Variants in NUP93 observed in about 807,000 individuals in gnomAD.
The protein encoded by NUP93 is nuclear pore complex protein Nup93.
Under a neutral mutation model 107.8 loss-of-function variants are expected in NUP93, and 55 were observed. That is an observed-to-expected ratio of 0.51 (90% CI 0.41 to 0.64). The LOEUF (loss-of-function observed/expected upper bound fraction) is 0.64, where lower values mean the gene tolerates loss of function less well. Ranked by LOEUF, NUP93 falls within the 30% of genes least tolerant of loss-of-function variation. The pLI, the probability that NUP93 is intolerant of heterozygous loss-of-function variation, is 0.00. For synonymous variants in NUP93, 390 were observed against 397.5 expected (o/e 0.98, Z 0.22); for missense variants, 937 against 1,044.7 (o/e 0.90, Z 1.42).
At chr16:56,761,334 T>A (rs1202622553) in intron 3 of NUP93, among the ~76,000 whole-genome samples, 1 of 152,220 alleles carries the variant, frequency 6.6e-6, no homozygotes. Context: ...CCAAGCCAGC[T>A]TGCATTCCTG....
chr16:56,743,988 C>T (rs1961780889), intron 1 of NUP93, among the ~76,000 whole-genome samples: 1 of 152,188 alleles, frequency 6.6e-6, no homozygotes. Flanking sequence ...CAATCACGCT[C>T]AAGGGCTTAG....
intron 8 of NUP93, among the ~76,000 whole-genome samples, chr16:56,826,881 A>G (rs1963673328): frequency 6.6e-6 from 1 of 151,744 alleles, no homozygotes; most frequent in South Asian, 2.1e-4. Flanking sequence ...CCCCTTCTCT[A>G]CTAAAAATAC....
intron 8 of NUP93, among the ~76,000 whole-genome samples, chr16:56,826,196 T>C (rs2144619288): frequency 6.6e-6 from 1 of 152,252 alleles, no homozygotes; most frequent in African/African-American, 2.4e-5. Flanking sequence ...AACTCCTCAA[T>C]TTCTTATCCA....
chr16:56,833,539 G>A (rs1006405908), intron 13 of NUP93, 133 bp downstream of exon 13: 2 of 663,924 alleles, frequency 3.0e-6, no homozygotes, highest in Non-Finnish European at 4.7e-6. Context: ...GTGGACAGTT[G>A]AGCTTTTTAG....
intron 5 of NUP93, among the ~76,000 whole-genome samples, chr16:56,808,441 T>C (rs376942291): frequency 8.3e-4 from 27 of 32,720 alleles, no homozygotes; most frequent in South Asian, 1.5e-3. Flanking sequence ...TATATAGTTA[T>C]GTAACTATAT....
rs745368411 is a variant in NUP93 at position 56,829,044 on chromosome 16, G to A, written c.862G>A (p.Gly288Arg). The A allele has an allele frequency of 1.2e-6, 2 of 1,613,578 alleles. No homozygotes were observed. Among genetic ancestry groups the A allele is most frequent in the African/African-American group, 2.7e-5 (2 of 75,044 alleles). The change falls in exon 9 of 22, where the codon GGG becomes AGG. Residue 288 changes from glycine to arginine, a missense_variant. Physicochemically the swap from Gly to Arg is moderately radical, Grantham distance 125. Coordinates refer to ENST00000308159, the MANE Select transcript of NUP93 (RefSeq NM_014669.5). ...LHQAQLGGVP[G>R]TYQLVRSFLN... ...TCAGGCCCAGCTGGGCGGGGTGCCT[G>A]GGACTTACCAATTGGTTCGAAGTTT... is the stretch of plus-strand genomic sequence containing the variant.
At chr16:56,734,888 A>G (rs1961587269) in intron 1 of NUP93, among the ~76,000 whole-genome samples, 2 of 151,904 alleles carry the variant, frequency 1.3e-5, no homozygotes, top group African/African-American at 4.8e-5. Flanking sequence ...CCTCCCCCTA[A>G]CCCCTCCCAC....
chr16:56,838,083 G>A (rs1218819811), intron 18 of NUP93, among the ~76,000 whole-genome samples: 2 of 152,178 alleles, frequency 1.3e-5, no homozygotes, highest in African/African-American at 4.8e-5. Flanking sequence ...GTGATGGTTG[G>A]ATGGGGGAGA....
At position 56,837,712 on chromosome 16, in the gene NUP93, C is replaced by G; in HGVS notation, c.2004C>G (p.Leu668=). 1 of 1,613,650 alleles carries G rather than the reference C, an allele frequency of 6.2e-7. No individual in the cohort carries two copies. ...AGGAGAGGCTGAAGAACATGGCACTCTCCATTGCCGAACGGTAAGCCAGGA... is the reference window on the plus strand; with the variant it reads ...AGGAGAGGCTGAAGAACATGGCACTGTCCATTGCCGAACGGTAAGCCAGGA... The part of the protein sequence containing the change: ...SNKERLKNMA[L]SIAERYRAQG... The change falls in exon 18 of 22, where the codon CTC becomes CTG. Residue 668 remains leucine, a synonymous_variant. Transcript: ENST00000308159.
chr16:56,823,032 T>G (rs1433343153), intron 7 of NUP93, among the ~76,000 whole-genome samples: 1 of 152,200 alleles, frequency 6.6e-6, no homozygotes, highest in African/African-American at 2.4e-5. Context: ...TGCCAAGGGT[T>G]CAGGGAACAC....
Position 56,829,121 on chromosome 16 carries a change from T to C in NUP93, c.927+12T>C. 1.2e-6 allele frequency: 2 copies of C among 1,608,734 alleles called. No individual in the cohort carries two copies. Among genetic ancestry groups the C allele is most frequent in the East Asian group, 2.2e-5 (1 of 44,836 alleles). ...TGCCTGGACTACAGGTACTGACAACTTTCTCTGTGTGATCAGTTACACCCC... is the reference window on the plus strand; with the variant it reads ...TGCCTGGACTACAGGTACTGACAACCTTCTCTGTGTGATCAGTTACACCCC... On this transcript the variant is annotated intron_variant, in intron 9 of 21. Transcript: ENST00000308159.
chr16:56,776,908 A>AT (rs1347343738), intron 3 of NUP93, among the ~76,000 whole-genome samples: 2 of 152,118 alleles, frequency 1.3e-5, no homozygotes, highest in East Asian at 1.9e-4. Flanking sequence ...TATTTCATGT[A>AT]TTTTTTACTG....
intron 3 of NUP93, among the ~76,000 whole-genome samples, chr16:56,780,873 A>G (rs543241197): frequency 1.3e-5 from 2 of 152,254 alleles, no homozygotes; most frequent in South Asian, 4.1e-4. Flanking sequence ...CACCATGATG[A>G]TGGCCCATCA....
chr16:56,838,997 G>A lies in NUP93; in HGVS notation c.2064G>A (p.Thr688=), dbSNP rs772236857. The A allele has an allele frequency of 1.1e-5, 17 of 1,614,000 alleles. No individual in the cohort carries two copies. Among genetic ancestry groups the A allele is most frequent in the Middle Eastern group, 1.6e-4 (1 of 6,062 alleles). Residue 688 remains threonine (T), a synonymous_variant, in exon 19 of 22, where the codon ACG becomes ACA. Coordinates refer to ENST00000308159, the MANE Select transcript of NUP93 (RefSeq NM_014669.5). ...GCGCAAATAAATTTGTGGACTCCAC[G>A]TTCTATCTTCTTTTGGACTTGATCA... ...GISANKFVDS[T]FYLLLDLITF... is the part of the protein sequence containing the mutation.
At chr16:56,828,759 T>G (rs775747712) in intron 8 of NUP93, among the ~76,000 whole-genome samples, 2 of 152,250 alleles carry the variant, frequency 1.3e-5, no homozygotes, top group Non-Finnish European at 2.9e-5. Flanking sequence ...AGGGATTCTT[T>G]TGAGTTTCCT....
chr16:56,831,690 G>A (rs1567409843), intron 10 of NUP93, 152 bp from the exon 11 acceptor site: 1 of 706,004 alleles, frequency 1.4e-6, no homozygotes, highest in East Asian at 2.8e-5. Flanking sequence ...CGATGGTACC[G>A]AGGGGAGGGG....
intron 2 of NUP93, among the ~76,000 whole-genome samples, chr16:56,752,587 C>T (rs1226741942): frequency 6.6e-6 from 1 of 152,162 alleles, no homozygotes; most frequent in Admixed American, 6.5e-5. Context: ...CTAAATTGGT[C>T]TGCAGATTCA....
At chr16:56,802,746 G>T (rs1017248032) in intron 4 of NUP93, among the ~76,000 whole-genome samples, 8 of 152,278 alleles carry the variant, frequency 5.3e-5, no homozygotes, top group Non-Finnish European at 4.4e-5. Flanking sequence ...TATCTGTGTT[G>T]CCAATAATAA....
intron 1 of NUP93, among the ~76,000 whole-genome samples, chr16:56,741,404 CAG>C (rs1961737547): frequency 6.6e-6 from 1 of 152,142 alleles, no homozygotes; most frequent in Non-Finnish European, 1.5e-5. Context: ...GAAATTGAGA[CAG>C]AGAAATTGGG....
Sources: gnomAD v4.1 joint callset for allele counts (sites outside exome capture counted in the v4.1 genomes callset) on GRCh38, gnomAD v4.1.1 for gene constraint, MANE v1.5 for transcripts, NCBI Gene and HGNC (gene_info 2026-07-23, HGNC 2026-07-21) for gene names.